IL1RAPL1: variants seen among roughly 807,000 people sequenced by gnomAD.
The protein encoded by IL1RAPL1 is interleukin 1 receptor accessory protein like 1, also known as interleukin-1 receptor accessory protein-like 1.
A neutral mutation model predicts 48.4 loss-of-function variants in IL1RAPL1; 3 were observed. The observed-to-expected ratio is 0.06, with a 90% CI of 0.03 to 0.16. IL1RAPL1 has a LOEUF of 0.16. Ranked by LOEUF, IL1RAPL1 falls within the 10% of genes least tolerant of loss-of-function variation. The pLI is 1.00. For missense variants in IL1RAPL1, 349 were observed against 530.6 expected, an observed-to-expected ratio of 0.66 and a Z score of 3.36; for synonymous variants, 185 against 187.7, an observed-to-expected ratio of 0.99 and a Z score of 0.12.
At chrX:29,275,452 C>G (rs968502177) in intron 2 of IL1RAPL1, among the ~76,000 whole-genome samples, 8 of 111,972 alleles carry the variant, frequency 7.1e-5, no homozygotes, top group Non-Finnish European at 1.1e-4. Flanking sequence ...CAGAACCTTA[C>G]CATATACTGT....
intron 5 of IL1RAPL1, among the ~76,000 whole-genome samples, chrX:29,630,283 G>A (rs754603020): frequency 9.0e-6 from 1 of 111,541 alleles, no homozygotes; most frequent in Admixed American, 9.5e-5. Flanking sequence ...TAAAACCAGC[G>A]ACTCTGGAGT....
intron 3 of IL1RAPL1, among the ~76,000 whole-genome samples, chrX:29,373,363 G>A (rs2147668192): frequency 8.9e-6 from 1 of 112,049 alleles, no homozygotes; most frequent in South Asian, 3.7e-4. Flanking sequence ...CATCAGAAAA[G>A]AGAGAGAGTT....
rs200103746 is a variant in IL1RAPL1 at position 29,524,339 on chromosome X, G to GAT, written c.703+125033_703+125034dup. Among the ~76,000 whole-genome samples, 225 of 110,458 alleles carry GAT rather than the reference G, an allele frequency of 2.0e-3. 2 individuals are homozygous for GAT. The highest frequency in any genetic ancestry group is 7.1e-3 in the African/African-American group (216 of 30,546). On this transcript the variant is annotated intron_variant, in intron 5 of 10. Transcript: ENST00000378993. ...GAAGAGATATATTTGTGTATGTGTA[G>GAT]ATACACACATACATTTAGCACATTT...
chrX:29,913,180 A>G (rs769695916), intron 6 of IL1RAPL1, among the ~76,000 whole-genome samples: 1 of 111,123 alleles, frequency 9.0e-6, no homozygotes, highest in East Asian at 2.8e-4. Flanking sequence ...AATTGACTCC[A>G]TTGGACTCCT....
At chrX:29,522,438 G>A (rs1392744569) in intron 5 of IL1RAPL1, among the ~76,000 whole-genome samples, 1 of 111,727 alleles carries the variant, frequency 9.0e-6, no homozygotes, top group African/African-American at 3.3e-5. Context: ...TGAGATTACA[G>A]GTTTGAGCCA....
At chrX:29,502,836 T>C (rs1454696184) in intron 5 of IL1RAPL1, among the ~76,000 whole-genome samples, 1 of 111,912 alleles carries the variant, frequency 8.9e-6, no homozygotes, top group African/African-American at 3.2e-5. Context: ...TGGAAGTATT[T>C]TCTTTTTGTC....
At chrX:29,507,379 C>CCCCT (rs1935345082) in intron 5 of IL1RAPL1, among the ~76,000 whole-genome samples, 1 of 1,316 alleles carries the variant, frequency 7.6e-4, no homozygotes, top group East Asian at 0.023. Context: ...TCCCTTCCCT[C>CCCCT]CCCTTCCCTT....
intron 6 of IL1RAPL1, among the ~76,000 whole-genome samples, chrX:29,842,028 GACA>G (rs903562501): frequency 4.5e-5 from 5 of 112,048 alleles, no homozygotes; most frequent in Non-Finnish European, 9.4e-5. Context: ...AGGAAGTTGT[GACA>G]ACATGTGTGA....
intron 6 of IL1RAPL1, among the ~76,000 whole-genome samples, chrX:29,716,228 G>T (rs996915159): frequency 9.0e-6 from 1 of 111,356 alleles, no homozygotes; most frequent in Non-Finnish European, 1.9e-5. Flanking sequence ...GAAAGAGATC[G>T]ATCACTAGAT....
intron 5 of IL1RAPL1, among the ~76,000 whole-genome samples, chrX:29,502,252 A>C (rs1410751871): frequency 9.0e-6 from 1 of 111,303 alleles, no homozygotes; most frequent in Non-Finnish European, 1.9e-5. Flanking sequence ...GTATAAGATC[A>C]TATTGCTTGC....
intron 6 of IL1RAPL1, among the ~76,000 whole-genome samples, chrX:29,863,227 GA>G (rs1931627085): frequency 9.0e-6 from 1 of 111,707 alleles, no homozygotes; most frequent in African/African-American, 3.3e-5. Flanking sequence ...CTGCATTTCA[GA>G]ATAAATATTA....
intron 5 of IL1RAPL1, among the ~76,000 whole-genome samples, chrX:29,529,967 A>G (rs773454520): frequency 8.9e-6 from 1 of 112,013 alleles, no homozygotes; most frequent in East Asian, 2.8e-4. Context: ...CAAAAAACAA[A>G]AAATAAACTA....
At chrX:28,900,835 C>G (rs141673088) in intron 2 of IL1RAPL1, among the ~76,000 whole-genome samples, 224 of 111,668 alleles carry the variant, frequency 2.0e-3, no homozygotes, top group African/African-American at 6.8e-3. Context: ...TCTAGCTCCC[C>G]CTTTCTTTGT....
chrX:29,103,014 G>A (rs1403794904), intron 2 of IL1RAPL1, among the ~76,000 whole-genome samples: 11 of 112,096 alleles, frequency 9.8e-5, no homozygotes, highest in African/African-American at 3.2e-4. Flanking sequence ...TTCATGGATT[G>A]GAAGAATCAA....
rs5972906 is a variant in IL1RAPL1, at chrX:29,768,348, C to T, written c.778+99844C>T. 4.1e-3 allele frequency among the ~76,000 whole-genome samples: 459 copies of T among 111,606 alleles called. 2 individuals carry two copies. The highest frequency in any genetic ancestry group is 0.014 in the African/African-American group (434 of 30,734). ...CAAATGAAAGTGAATGCACAATGAG[C>T]CCAGTCCTCTCTTTAGTGTTCAGTA... On this transcript the variant is annotated intron_variant, in intron 6 of 10. Coordinates refer to ENST00000378993, the MANE Select transcript of IL1RAPL1 (RefSeq NM_014271.4).
intron 6 of IL1RAPL1, among the ~76,000 whole-genome samples, chrX:29,798,927 A>G (rs934258495): frequency 3.0e-4 from 34 of 112,431 alleles, no homozygotes; most frequent in African/African-American, 1.0e-3. Flanking sequence ...CCAGACTTTC[A>G]TTTCTACTTT....
In IL1RAPL1 at chrX:29,399,549, C is replaced by G. The variant is rs763156941; in HGVS notation, c.703+241C>G. 1.2e-4 allele frequency among the ~76,000 whole-genome samples: 13 copies of G among 111,393 alleles called. No individual in the cohort carries two copies. In the South Asian group the frequency reaches 1.9e-3, roughly 16 times the overall value. Reference sequence around the variant, plus strand: ...AAATGTTAACTTTTGGGCCGGGCACCGTGGCTCATGCCTGTAATCCCAGCA... The same window carrying G: ...AAATGTTAACTTTTGGGCCGGGCACGGTGGCTCATGCCTGTAATCCCAGCA... On this transcript the variant is annotated intron_variant, in intron 5 of 10. Coordinates refer to ENST00000378993, the MANE Select transcript of IL1RAPL1 (RefSeq NM_014271.4).
intron 6 of IL1RAPL1, among the ~76,000 whole-genome samples, chrX:29,740,208 A>G (rs936345847): frequency 6.3e-5 from 7 of 110,456 alleles, no homozygotes; most frequent in African/African-American, 9.9e-5. Context: ...TTCTGCATAC[A>G]TTTAAAGTCT....
chrX:29,394,874 A>G (rs755144418), intron 3 of IL1RAPL1, among the ~76,000 whole-genome samples: 1 of 112,181 alleles, frequency 8.9e-6, no homozygotes, highest in Non-Finnish European at 1.9e-5. Flanking sequence ...ATAAAGAACC[A>G]TCTAATTTTG....
Sources: gnomAD v4.1 joint callset for allele counts (sites outside exome capture counted in the v4.1 genomes callset) on GRCh38, gnomAD v4.1.1 for gene constraint, MANE v1.5 for transcripts, NCBI Gene and HGNC (gene_info 2026-07-23, HGNC 2026-07-21) for gene names.